The following MAGI1 variants were observed in gnomAD, a reference collection of about 807,000 sequenced individuals.
MAGI1 encodes membrane-associated guanylate kinase, WW and PDZ domain-containing protein 1.
In MAGI1, 58 loss-of-function variants were observed where a neutral mutation model predicts 139.9. That is an observed-to-expected ratio of 0.41 (90% CI 0.34 to 0.52). The LOEUF is 0.52. MAGI1 is among the 20% of genes least tolerant of loss of function. MAGI1 has a pLI of 0.12. For missense variants in MAGI1, 1,874 were observed against 1,901.6 expected (o/e 0.99, Z 0.27); for synonymous variants, 812 against 737.9 (o/e 1.10, Z -1.63).
chr3:65,445,878 A>C (rs1371808918), intron 7 of MAGI1, among the ~76,000 whole-genome samples: 2 of 152,224 alleles, frequency 1.3e-5, no homozygotes, highest in Non-Finnish European at 2.9e-5. Flanking sequence ...ATCTGGAATT[A>C]CATTGTTCAC....
At chr3:65,916,700 A>G (rs569409074) in intron 1 of MAGI1, among the ~76,000 whole-genome samples, 15 of 152,248 alleles carry the variant, frequency 9.9e-5, no homozygotes, top group Non-Finnish European at 1.8e-4. Flanking sequence ...CGCCTCCCAC[A>G]GTGCTGAGAT....
At chr3:65,498,951 C>G (rs1331453990) in intron 2 of MAGI1, 1 of 959,130 alleles carries the variant, frequency 1.0e-6, no homozygotes, top group Non-Finnish European at 1.2e-6. Context: ...CTTCATTACA[C>G]TACATCCAGT....
At chr3:65,884,477 G>T (rs183044434) in intron 1 of MAGI1, among the ~76,000 whole-genome samples, 1 of 152,272 alleles carries the variant, frequency 6.6e-6, no homozygotes, top group Non-Finnish European at 1.5e-5. Flanking sequence ...GCATCAAAAT[G>T]TGAGATAAAA....
intron 1 of MAGI1, among the ~76,000 whole-genome samples, chr3:65,655,419 G>A (rs1352316681): frequency 6.6e-6 from 1 of 152,170 alleles, no homozygotes; most frequent in African/African-American, 2.4e-5. Context: ...AAATATAACT[G>A]AGTCAAACTC....
chr3:65,533,398 T>C (rs1473367151), intron 2 of MAGI1, among the ~76,000 whole-genome samples: 8 of 152,202 alleles, frequency 5.3e-5, no homozygotes, highest in Admixed American at 4.6e-4. Context: ...ACAGTAACTT[T>C]TGCGTTGTGT....
chr3:65,649,226 C>T (rs938796966), intron 1 of MAGI1, among the ~76,000 whole-genome samples: 1 of 151,858 alleles, frequency 6.6e-6, no homozygotes, highest in Non-Finnish European at 1.5e-5. Flanking sequence ...TAAAAAAATA[C>T]AAAAAATTAG....
At chr3:65,824,168 G>A (rs975309901) in intron 1 of MAGI1, among the ~76,000 whole-genome samples, 1 of 152,106 alleles carries the variant, frequency 6.6e-6, no homozygotes, top group African/African-American at 2.4e-5. Flanking sequence ...ATTTTGCCAC[G>A]TCACCCATGC....
intron 2 of MAGI1, among the ~76,000 whole-genome samples, chr3:65,568,209 T>C (rs2080766998): frequency 6.6e-6 from 1 of 152,206 alleles, no homozygotes; most frequent in Non-Finnish European, 1.5e-5. Context: ...TTGTTGATAG[T>C]GAAGCAGGAA....
At position 65,478,581 on chromosome 3, in the gene MAGI1, C is replaced by T. The variant is rs1951047876; in HGVS notation, c.757+11G>A. ...CCAGGTCCATTGAGGGCAACATGATCTGACCTTTACCTGTAAAGCTGCTGT... is the reference window on the plus strand; with the variant it reads ...CCAGGTCCATTGAGGGCAACATGATTTGACCTTTACCTGTAAAGCTGCTGT... On this transcript the variant is annotated intron_variant, in intron 4 of 22. Coordinates refer to ENST00000402939, the MANE Select transcript of MAGI1 (RefSeq NM_001033057.2). 3.1e-6 allele frequency: 5 copies of T among 1,612,928 alleles called. No individual in the cohort carries two copies. Among genetic ancestry groups the T allele is most frequent in the African/African-American group, 1.3e-5 (1 of 74,886 alleles).
chr3:65,952,183 G>A (rs763071438), intron 1 of MAGI1, among the ~76,000 whole-genome samples: 2 of 152,096 alleles, frequency 1.3e-5, no homozygotes, highest in East Asian at 3.9e-4. Context: ...TTGGGGACCC[G>A]TGGATTCCAA....
chr3:65,375,930 G>C lies in MAGI1; in HGVS notation c.3011C>G (p.Ala1004Gly). Residue 1004 changes from alanine (A) to glycine (G), a missense_variant, in exon 18 of 23, where the codon GCT (alanine) becomes GGT (glycine). Ala to Gly is a moderately conservative substitution (Grantham distance 60, BLOSUM62 0). Around this residue, in one of 5 missense-constraint regions of MAGI1, gnomAD observed 653 missense variants for 644.5 expected, o/e 1.01. Transcript: ENST00000402939. ...AATCCGACCTATTTTGTGAGGCATA[G>C]CCACACATGCATTGCCTGCTTTGAT... ...AGTTFGNACV[A>G]MPHKIGRIIE... is the part of the protein sequence containing the mutation. The C allele has an allele frequency of 6.2e-7, 1 of 1,613,796 alleles. No homozygotes were observed. The highest frequency in any genetic ancestry group is 8.5e-7 in the Non-Finnish European group (1 of 1,179,766).
intron 1 of MAGI1, among the ~76,000 whole-genome samples, chr3:65,859,289 G>C (rs555837744): frequency 6.6e-6 from 1 of 151,474 alleles, no homozygotes; most frequent in South Asian, 2.1e-4. Flanking sequence ...GTGAGACTCC[G>C]TCTACAAAAA....
At chr3:65,680,395 A>T (rs928939634) in intron 1 of MAGI1, among the ~76,000 whole-genome samples, 2 of 152,190 alleles carry the variant, frequency 1.3e-5, no homozygotes, top group African/African-American at 4.8e-5. Flanking sequence ...CTTGTGAAGG[A>T]GAGCTTATTG....
rs11276480 is a variant in MAGI1 at position 65,610,742 on chromosome 3, G to GTATATACTATATACTATATATATATATA, written c.430+11229_430+11230insTATATATATATATAGTATATAGTATATA. Reference sequence around the variant, plus strand: ...CATTTAGGTACAAATATAGTATATAGTATATATACAGTATATATATAGCAT... The same window carrying GTATATACTATATACTATATATATATATA: ...CATTTAGGTACAAATATAGTATATAGTATATACTATATACTATATATATATATATATATATACAGTATATATATAGCAT... On this transcript the variant is annotated intron_variant, in intron 2 of 22. Transcript: ENST00000402939. Among the ~76,000 whole-genome samples, 569 of 121,316 alleles carry GTATATACTATATACTATATATATATATA rather than the reference G, an allele frequency of 4.7e-3. 26 individuals are homozygous for GTATATACTATATACTATATATATATATA. The highest frequency in any genetic ancestry group is 0.011 in the South Asian group (46 of 4,052). The allele number at this position is 121,316 out of a possible 152,430, so 79.6% of individuals were successfully genotyped here.
At chr3:65,814,521 T>C (rs143383966) in intron 1 of MAGI1, among the ~76,000 whole-genome samples, 278 of 152,306 alleles carry the variant, frequency 1.8e-3, no homozygotes, top group African/African-American at 6.5e-3. Flanking sequence ...CAAAAATGAT[T>C]TCTTTCGCCC....
In MAGI1 at chr3:65,841,447, GTTTTTGTT is replaced by G. The variant is rs879790365; in HGVS notation, c.313+196541_313+196548del. 5.9e-3 allele frequency among the ~76,000 whole-genome samples: 649 copies of G among 110,518 alleles called. 7 individuals are homozygous for G. The highest frequency in any genetic ancestry group is 0.05 in the Admixed American group (479 of 9,616). The allele number at this position is 110,518 out of a possible 152,430, so 72.5% of individuals were successfully genotyped here. The stretch of plus-strand genomic sequence containing the variant: ...TGTTTTGCTTTTTGTTTTTGTTTTT[GTTTTTGTT>G]TTTTTTTTGAGATGCAGGATGGAGT... On this transcript the variant is annotated intron_variant, in intron 1 of 22. Coordinates refer to ENST00000402939, the MANE Select transcript of MAGI1 (RefSeq NM_001033057.2).
chr3:65,552,527 T>C (rs762150735), intron 2 of MAGI1, among the ~76,000 whole-genome samples: 2 of 152,162 alleles, frequency 1.3e-5, no homozygotes, highest in Admixed American at 6.5e-5. Context: ...TAGTTTCATT[T>C]GCACTCATGA....
intron 1 of MAGI1, among the ~76,000 whole-genome samples, chr3:65,623,495 C>A (rs533676846): frequency 1.8e-4 from 28 of 152,306 alleles, no homozygotes; most frequent in Non-Finnish European, 3.5e-4. Context: ...AAAGATGCTT[C>A]AATGACAGCT....
At chr3:65,559,746 A>G (rs1004886063) in intron 2 of MAGI1, among the ~76,000 whole-genome samples, 8 of 152,194 alleles carry the variant, frequency 5.3e-5, no homozygotes, top group African/African-American at 9.7e-5. Context: ...AGGATTTAAA[A>G]CACATCTTGG....
Sources: allele counts gnomAD v4.1 joint callset (sites outside exome capture counted in the v4.1 genomes callset), GRCh38; gene constraint gnomAD v4.1.1; regional missense constraint gnomAD v4.1.1; transcripts MANE v1.5; gene names NCBI Gene and HGNC (gene_info 2026-07-23, HGNC 2026-07-21).